Variants in PRDX3 observed in about 807,000 individuals in gnomAD.
The protein encoded by PRDX3 is peroxiredoxin 3.
In PRDX3, 20 loss-of-function variants were observed where a neutral mutation model predicts 30.4. The observed-to-expected ratio is 0.66, with a 90% CI of 0.46 to 0.96. PRDX3 has a LOEUF of 0.96. PRDX3 is among the 40% of genes least tolerant of loss of function. The pLI, the probability that PRDX3 is intolerant of heterozygous loss-of-function variation, is 0.00. For missense variants in PRDX3, 322 were observed against 318.3 expected (o/e 1.01, Z -0.09); for synonymous variants, 124 against 117.8 (o/e 1.05, Z -0.34).
At chr10:119,169,115 G>C in intron 6 of PRDX3, 62 bp downstream of exon 6, 1 of 1,563,290 alleles carries the variant, frequency 6.4e-7, no homozygotes, top group Non-Finnish European at 8.8e-7. Context: ...GGATATTTCA[G>C]GTCAATAGCT....
intron 1 of PRDX3, 51 bp downstream of exon 1, chr10:119,178,704 T>G: frequency 6.5e-7 from 1 of 1,548,536 alleles, no homozygotes; most frequent in Non-Finnish European, 8.7e-7. Context: ...AGAAGCACGT[T>G]CCCGGAGCCA....
chr10:119,171,644 C>T (rs1350890420), intron 5 of PRDX3, among the ~76,000 whole-genome samples: 2 of 152,182 alleles, frequency 1.3e-5, no homozygotes, highest in African/African-American at 4.8e-5. Context: ...ACAACTGCTG[C>T]CAGTAACTAT....
intron 2 of PRDX3, 122 bp from the exon 3 acceptor site, chr10:119,174,714 G>C (rs1025308410): frequency 9.0e-6 from 9 of 994,802 alleles, no homozygotes; most frequent in African/African-American, 1.7e-5. Flanking sequence ...CAAAACATTC[G>C]GTTCAACTGT....
At chr10:119,176,346 G>C (rs370854327) in intron 2 of PRDX3, among the ~76,000 whole-genome samples, 20 of 152,214 alleles carry the variant, frequency 1.3e-4, no homozygotes, top group African/African-American at 4.8e-4. Context: ...GAAGCTCCAG[G>C]GTAGTAAAAT....
chr10:119,169,054 C>A, intron 6 of PRDX3, 123 bp downstream of exon 6: 1 of 966,148 alleles, frequency 1.0e-6, no homozygotes. Context: ...AGCAGCTTCA[C>A]CCATTTGCAT....
At position 119,167,760 on chromosome 10, in the gene PRDX3, A is replaced by G. The variant is rs1264344936; in HGVS notation, c.*720T>C. The G allele has an allele frequency of 1.3e-5, 2 of 152,262 alleles. No individual in the cohort carries two copies. The highest frequency in any genetic ancestry group is 2.9e-5 in the Non-Finnish European group (2 of 68,054). 9.4% of individuals were successfully genotyped at this position (152,262 alleles called of 1,614,324 possible). ...TTATTTTGTATGTTTTACAATGAAT[A>G]CTTCAGCAAAGAAAATAATTATAAT... On this transcript the variant is annotated 3_prime_UTR_variant, in exon 7 of 7. Coordinates refer to ENST00000298510, the MANE Select transcript of PRDX3 (RefSeq NM_006793.5).
In PRDX3 at chr10:119,177,053, G is replaced by C. The variant is rs761455269; in HGVS notation, c.137C>G (p.Ser46Cys). ...GAATAATTTTGCTTGACTGGAACCA[G>C]AACACAATAAATTTGTCAAGCTCGT... ...GRTSLTNLLC[S>C]GSSQAKLFST... The change falls in exon 2 of 7, where the codon TCT (serine) becomes TGT (cysteine). Residue 46 changes from serine (S) to cysteine (C), a missense_variant. Transcript: ENST00000298510. The C allele has an allele frequency of 1.4e-5, 22 of 1,613,980 alleles. No homozygotes were observed. Among genetic ancestry groups the C allele is most frequent in the Non-Finnish European group, 1.7e-5 (20 of 1,179,976 alleles).
intron 1 of PRDX3, 132 bp downstream of exon 1, chr10:119,178,623 G>A: frequency 8.7e-7 from 1 of 1,154,910 alleles, no homozygotes; most frequent in Admixed American, 2.0e-5. Context: ...AGGCCTCTGG[G>A]TCCGTTACCC....
rs2133646488 is a variant in PRDX3, at chr10:119,167,960, T to G, written c.*520A>C. On this transcript the variant is annotated 3_prime_UTR_variant, in exon 7 of 7. Coordinates refer to ENST00000298510, the MANE Select transcript of PRDX3 (RefSeq NM_006793.5). ...TGATCAGTTAAGTCACTCTGCCACT[T>G]TTTAAAATAATACGATTCACATTTG... 1 of 153,842 alleles carries G rather than the reference T, an allele frequency of 6.5e-6. No homozygotes were observed. The highest frequency in any genetic ancestry group is 1.9e-4 in the East Asian group (1 of 5,196). 9.5% of individuals were successfully genotyped at this position (153,842 alleles called of 1,614,324 possible).
At chr10:119,173,904 G>A (rs766033470) in intron 3 of PRDX3, 32 bp from the exon 4 acceptor site, 1 of 1,582,196 alleles carries the variant, frequency 6.3e-7, no homozygotes, top group South Asian at 1.1e-5. Flanking sequence ...TCTCATTAGA[G>A]CATTTAAAAA....
At chr10:119,172,541 C>T (rs1847929856) in intron 4 of PRDX3, 56 bp from the exon 5 acceptor site, 4 of 1,393,888 alleles carry the variant, frequency 2.9e-6, no homozygotes, top group Non-Finnish European at 3.1e-6. Context: ...CATTCTTGAC[C>T]ACGTACCACA....
rs372712136 is a variant in PRDX3 at position 119,178,786 on chromosome 10, G to C, written c.5C>G (p.Ala2Gly). The change falls in exon 1 of 7, where the codon GCG (alanine) becomes GGG (glycine). Residue 2 changes from alanine (A) to glycine (G), a missense_variant. By Grantham distance (60) the Ala-to-Gly change is moderately conservative. Coordinates refer to ENST00000298510, the MANE Select transcript of PRDX3 (RefSeq NM_006793.5). MAAAVGRLLRAS... is the reference protein window; with the variant it reads MGAAVGRLLRAS... The stretch of plus-strand genomic sequence containing the variant: ...TCGGAGCAACCGTCCTACAGCAGCC[G>C]CCATCTTCAGTGCACTCGGGCGCCA... The C allele has an allele frequency of 1.3e-6, 2 of 1,552,770 alleles. No homozygotes were observed. Among genetic ancestry groups the C allele is most frequent in the Non-Finnish European group, 1.7e-6 (2 of 1,148,206 alleles).
rs1283516799 is a variant in PRDX3, at chr10:119,174,594, TG to T, written c.170-3del. 1.3e-6 allele frequency: 2 copies of T among 1,578,798 alleles called. No homozygotes were observed. Among genetic ancestry groups the T allele is most frequent in the African/African-American group, 1.4e-5 (1 of 72,682 alleles). The stretch of plus-strand genomic sequence containing the variant: ...CAGCAGGTGCATGGCATGAGGAACC[TG>T]AAAAAAAACCCACACTCATATGGAG... On this transcript the variant is annotated splice_region_variant and splice_polypyrimidine_tract_variant and intron_variant, in intron 2 of 6. Transcript: ENST00000298510.
intron 3 of PRDX3, 27 bp from the exon 4 acceptor site, chr10:119,173,899 T>C (rs771934818): frequency 3.2e-6 from 5 of 1,583,350 alleles, no homozygotes; most frequent in Admixed American, 3.6e-5. Context: ...GAAATTCTCA[T>C]TAGAGCATTT....
At chr10:119,171,035 T>C in intron 5 of PRDX3, 1 of 150,260 alleles carries the variant, frequency 6.7e-6, no homozygotes, top group Non-Finnish European at 1.4e-5. Flanking sequence ...CTGGCTTTGT[T>C]TGTTTGTTTG....
chr10:119,178,804 G>C lies in PRDX3; in HGVS notation c.-14C>G, dbSNP rs1398245510. 6.4e-7 allele frequency: 1 copy of C among 1,551,332 alleles called. No individual in the cohort carries two copies. ...AGCAGCCGCCATCTTCAGTGCACTC[G>C]GGCGCCACGGGGCGGGCAGAGACGC... On this transcript the variant is annotated 5_prime_UTR_variant, in exon 1 of 7. Coordinates refer to ENST00000298510, the MANE Select transcript of PRDX3 (RefSeq NM_006793.5).
intron 4 of PRDX3, 97 bp from the exon 5 acceptor site, chr10:119,172,582 T>C: frequency 9.9e-7 from 1 of 1,012,880 alleles, no homozygotes; most frequent in African/African-American, 1.6e-5. Context: ...CGGCGATAGG[T>C]AACAGTAATT....
At position 119,174,757 on chromosome 10, in the gene PRDX3, T is replaced by TG. The variant is rs955761206; in HGVS notation, c.170-166dup. The TG allele has an allele frequency of 9.6e-6, 6 of 623,354 alleles. No homozygotes were observed. In the Admixed American group the frequency reaches 2.2e-4, roughly 23 times the overall value. The allele number at this position is 623,354 out of a possible 1,614,324, so 38.6% of individuals were successfully genotyped here. A position where few individuals can be genotyped will look rare whatever the true frequency, so the allele number is the denominator to read the frequency against. ...AGGCACAGTCATCCTTTGCCACCTGTGGGGGGATTGGTTCTAGGATATCGA... is the reference window on the plus strand; with the variant it reads ...AGGCACAGTCATCCTTTGCCACCTGTGGGGGGGATTGGTTCTAGGATATCGA... On this transcript the variant is annotated intron_variant, in intron 2 of 6. Transcript: ENST00000298510.
At chr10:119,175,075 G>A (rs1589664978) in intron 2 of PRDX3, among the ~76,000 whole-genome samples, 1 of 152,184 alleles carries the variant, frequency 6.6e-6, no homozygotes, top group Non-Finnish European at 1.5e-5. Context: ...TATAGTTTTA[G>A]ATTGTGCACA....
Sources: gnomAD v4.1 joint callset for allele counts (sites outside exome capture counted in the v4.1 genomes callset) on GRCh38, gnomAD v4.1.1 for gene constraint, MANE v1.5 for transcripts, NCBI Gene and HGNC (gene_info 2026-07-23, HGNC 2026-07-21) for gene names.